DOCK4: variants seen among roughly 807,000 people sequenced by gnomAD.
The protein encoded by DOCK4 is dedicator of cytokinesis protein 4.
DOCK4 carries 97 observed loss-of-function variants against 268.1 expected under a neutral mutation model. The observed-to-expected ratio is 0.36, with a 90% CI of 0.31 to 0.43. The LOEUF is 0.43. DOCK4 is among the 20% of genes least tolerant of loss of function. The pLI is 1.00. For missense variants in DOCK4, 2,145 were observed against 2,455.7 expected, an observed-to-expected ratio of 0.87 and a Z score of 2.67; for synonymous variants, 954 against 887.2, an observed-to-expected ratio of 1.08 and a Z score of -1.34.
In DOCK4 at chr7:111,728,537, C is replaced by T. The variant is rs1201878682; in HGVS notation, c.5665G>A (p.Val1889Met). ...CCGTAGCTCGGCACGGGCACCGGCACTGGCACCGGCAGGGGGGCCGACTGT... is the reference window on the plus strand; with the variant it reads ...CCGTAGCTCGGCACGGGCACCGGCATTGGCACCGGCAGGGGGGCCGACTGT... ...NEQSAPLPVP[V>M]PVPVPSYGGE... The change falls in exon 53 of 53, where the codon GTG becomes ATG. Residue 1889 changes from valine to methionine, a missense_variant. Val to Met is a conservative substitution (Grantham distance 21). Coordinates refer to ENST00000428084, the MANE Select transcript of DOCK4 (RefSeq NM_001363540.2). 2 of 1,613,738 alleles carry T rather than the reference C, an allele frequency of 1.2e-6. No homozygotes were observed. The highest frequency in any genetic ancestry group is 1.1e-5 in the South Asian group (1 of 91,066).
At chr7:111,756,670 ATCTT>A (rs1797041256) in intron 41 of DOCK4, among the ~76,000 whole-genome samples, 1 of 152,042 alleles carries the variant, frequency 6.6e-6, no homozygotes, top group Non-Finnish European at 1.5e-5. Context: ...TCTACGCCTC[ATCTT>A]TCTTACTTAA....
rs975760931 is a variant in DOCK4, at chr7:111,887,745, G to A, written c.1587+7867C>T. Among the ~76,000 whole-genome samples the A allele has an allele frequency of 2.1e-5, 3 of 143,938 alleles. No homozygotes were observed. The South Asian group carries it at 6.5e-4, about 31-fold the overall frequency. The allele number at this position is 143,938 out of a possible 152,430, so 94.4% of individuals were successfully genotyped here. A position where few individuals can be genotyped will look rare whatever the true frequency, so the allele number is the denominator to read the frequency against. On this transcript the variant is annotated intron_variant, in intron 16 of 52. Transcript: ENST00000428084. ...TGACGGGAAGGGAAGAAGGAACATGGTGCCTATTTAAAAAAAATTATTAAA... is the reference window on the plus strand; with the variant it reads ...TGACGGGAAGGGAAGAAGGAACATGATGCCTATTTAAAAAAAATTATTAAA...
At chr7:111,782,061 T>C (rs770008612) in intron 35 of DOCK4, among the ~76,000 whole-genome samples, 106 of 152,352 alleles carry the variant, frequency 7.0e-4, no homozygotes, top group African/African-American at 2.3e-3. Flanking sequence ...TTGTATTTTA[T>C]ATTTTCCTGT....
intron 13 of DOCK4, 85 bp downstream of exon 13, chr7:111,915,694 G>A: frequency 6.8e-7 from 1 of 1,460,446 alleles, no homozygotes; most frequent in Non-Finnish European, 9.2e-7. Context: ...ATGCTTCAAA[G>A]CTGGCAATTT....
intron 7 of DOCK4, among the ~76,000 whole-genome samples, chr7:111,980,839 G>T (rs1018338936): frequency 6.6e-6 from 1 of 152,230 alleles, no homozygotes; most frequent in African/African-American, 2.4e-5. Context: ...GCAGATGCAT[G>T]ATCTTACAAA....
chr7:111,790,208 C>G (rs190059360), intron 31 of DOCK4, among the ~76,000 whole-genome samples: 1 of 152,202 alleles, frequency 6.6e-6, no homozygotes, highest in Admixed American at 6.5e-5. Context: ...AAATACAGAT[C>G]TGGGAAATCA....
At chr7:111,973,694 T>C (rs1468132459) in intron 8 of DOCK4, among the ~76,000 whole-genome samples, 1 of 151,986 alleles carries the variant, frequency 6.6e-6, no homozygotes, top group African/African-American at 2.4e-5. Context: ...TTTTTTACAT[T>C]TGAAAATGTT....
intron 1 of DOCK4, among the ~76,000 whole-genome samples, chr7:112,036,592 T>C (rs1280066737): frequency 6.6e-6 from 1 of 151,938 alleles, no homozygotes; most frequent in Non-Finnish European, 1.5e-5. Flanking sequence ...GGGTGCACAG[T>C]GTGATGGGTT....
At chr7:111,932,429 T>A (rs1248071370) in intron 12 of DOCK4, among the ~76,000 whole-genome samples, 1 of 152,082 alleles carries the variant, frequency 6.6e-6, no homozygotes, top group African/African-American at 2.4e-5. Context: ...ACACCATGGT[T>A]ACCAACTCTT....
At chr7:112,047,155 A>G (rs1302057468) in intron 1 of DOCK4, among the ~76,000 whole-genome samples, 1 of 152,202 alleles carries the variant, frequency 6.6e-6, no homozygotes, top group Non-Finnish European at 1.5e-5. Flanking sequence ...AGTTTGCCTC[A>G]GTTTTAAGGC....
At chr7:112,204,000 C>T (rs911491668) in intron 1 of DOCK4, among the ~76,000 whole-genome samples, 2 of 152,142 alleles carry the variant, frequency 1.3e-5, no homozygotes, top group African/African-American at 4.8e-5. Context: ...GCAAAAGACC[C>T]TCTCTCTGCT....
Position 112,206,196 on chromosome 7 carries a change from CACA to C in DOCK4, c.-61_-59del. 6.6e-7 allele frequency: 1 copy of C among 1,513,966 alleles called. No homozygotes were observed. The highest frequency in any genetic ancestry group is 9.0e-7 in the Non-Finnish European group (1 of 1,112,706). The allele number at this position is 1,513,966 out of a possible 1,614,324, so 93.8% of individuals were successfully genotyped here. On this transcript the variant is annotated 5_prime_UTR_variant, in exon 1 of 53. Transcript: ENST00000428084. The stretch of plus-strand genomic sequence containing the variant: ...TAATCCCCGCGCCCCTTCTCCGGCT[CACA>C]ACAATGCACAGTCCCCGAGCAGCGC...
At chr7:112,195,875 C>T (rs1236760911) in intron 1 of DOCK4, among the ~76,000 whole-genome samples, 1 of 152,172 alleles carries the variant, frequency 6.6e-6, no homozygotes, top group Non-Finnish European at 1.5e-5. Context: ...GGAAAACTTA[C>T]AAATTTCATA....
chr7:111,899,173 CT>C (rs1335293968), intron 15 of DOCK4, among the ~76,000 whole-genome samples: 1 of 152,224 alleles, frequency 6.6e-6, no homozygotes, highest in Non-Finnish European at 1.5e-5. Flanking sequence ...ATGTATGAAG[CT>C]CTTGAGTCAA....
In DOCK4 at chr7:112,151,085, T is replaced by C. The variant is rs374792359; in HGVS notation, c.37+55017A>G. On this transcript the variant is annotated intron_variant, in intron 1 of 52. Transcript: ENST00000428084. ...ATAGGAGGAGTAACTTAATTCTGTA[T>C]ACTTTTATCATACCCTGGAGCCAGT... Among the ~76,000 whole-genome samples the C allele has an allele frequency of 1.4e-4, 22 of 152,306 alleles. No individual in the cohort carries two copies. In the East Asian group the frequency reaches 3.3e-3, roughly 23 times the overall value.
intron 24 of DOCK4, among the ~76,000 whole-genome samples, chr7:111,846,764 A>G (rs902043200): frequency 1.3e-5 from 2 of 152,186 alleles, no homozygotes; most frequent in Non-Finnish European, 2.9e-5. Flanking sequence ...TTTCTCACTC[A>G]GTATGCAGTT....
intron 1 of DOCK4, among the ~76,000 whole-genome samples, chr7:112,091,981 T>C (rs1809675045): frequency 6.6e-6 from 1 of 152,162 alleles, no homozygotes; most frequent in Admixed American, 6.5e-5. Flanking sequence ...GGTGTGATGC[T>C]CTCACTATCT....
chr7:111,868,258 T>C (rs1021963383), intron 21 of DOCK4, 104 bp from the exon 22 acceptor site: 3 of 903,604 alleles, frequency 3.3e-6, no homozygotes, highest in Non-Finnish European at 4.8e-6. Flanking sequence ...ACTTTTACAT[T>C]ATTCATGTAG....
chr7:112,165,559 T>TGC (rs369341986), intron 1 of DOCK4, among the ~76,000 whole-genome samples: 4,326 of 148,122 alleles, frequency 0.029, 116 homozygotes, highest in East Asian at 0.088. Flanking sequence ...TGTGTGTGTG[T>TGC]GCGTGTGTGT....
Sources: allele counts gnomAD v4.1 joint callset (sites outside exome capture counted in the v4.1 genomes callset), GRCh38; gene constraint gnomAD v4.1.1; transcripts MANE v1.5; gene names NCBI Gene and HGNC (gene_info 2026-07-23, HGNC 2026-07-21).